The following PICALM variants were observed in gnomAD, a reference collection of about 807,000 sequenced individuals.
PICALM encodes phosphatidylinositol-binding clathrin assembly protein.
A neutral mutation model predicts 80.5 loss-of-function variants in PICALM; 40 were observed. The observed-to-expected ratio is 0.50, with a 90% confidence interval of 0.39 to 0.65. The LOEUF (loss-of-function observed/expected upper bound fraction) is 0.65, where lower values mean the gene tolerates loss of function less well. Ranked by LOEUF, PICALM falls within the 30% of genes least tolerant of loss-of-function variation. The pLI, the probability that PICALM is intolerant of heterozygous loss-of-function variation, is 0.00. For missense variants in PICALM, 676 were observed against 778.9 expected, an observed-to-expected ratio of 0.87 and a Z score of 1.57; for synonymous variants, 288 against 260.3, an observed-to-expected ratio of 1.11 and a Z score of -1.02.
intron 11 of PICALM, among the ~76,000 whole-genome samples, chr11:85,998,271 C>G (rs1340828925): frequency 6.6e-6 from 1 of 151,514 alleles, no homozygotes; most frequent in Non-Finnish European, 1.5e-5. Flanking sequence ...GCCACCACGC[C>G]CGGCTAATTT....
At chr11:85,998,745 T>TCC (rs1022584034) in intron 11 of PICALM, among the ~76,000 whole-genome samples, 67 of 152,184 alleles carry the variant, frequency 4.4e-4, no homozygotes, top group Middle Eastern at 3.4e-3. Flanking sequence ...GCCACTGCAC[T>TCC]CCAGCCTGGG....
At chr11:86,031,058 C>T (rs2095743400) in intron 2 of PICALM, among the ~76,000 whole-genome samples, 1 of 152,144 alleles carries the variant, frequency 6.6e-6, no homozygotes, top group Non-Finnish European at 1.5e-5. Context: ...TTTGAGGTAG[C>T]AGTGAGCTAT....
intron 1 of PICALM, among the ~76,000 whole-genome samples, chr11:86,054,537 G>T (rs904601896): frequency 6.6e-6 from 1 of 151,962 alleles, no homozygotes; most frequent in Non-Finnish European, 1.5e-5. Flanking sequence ...ACCATAAAGC[G>T]CTTTTTTGCC....
chr11:85,960,662 C>A, intron 19 of PICALM: 1 of 1,150,222 alleles, frequency 8.7e-7, no homozygotes, highest in Non-Finnish European at 1.2e-6. Context: ...TCTCCCAAAA[C>A]AAGTAGCAAT....
intron 13 of PICALM, among the ~76,000 whole-genome samples, chr11:85,989,236 T>C (rs1258258068): frequency 1.3e-5 from 2 of 152,200 alleles, no homozygotes; most frequent in East Asian, 1.9e-4. Flanking sequence ...TATCACACTT[T>C]GGATATATAT....
Position 86,026,990 on chromosome 11 carries a change from T to C in PICALM, c.274-623A>G, listed in dbSNP as rs117353118. Among the ~76,000 whole-genome samples, 136 of 152,326 alleles carry C rather than the reference T, an allele frequency of 8.9e-4. 3 individuals are homozygous for C. The East Asian group carries it at 0.024, about 27-fold the overall frequency. On this transcript the variant is annotated intron_variant, in intron 2 of 19. Coordinates refer to ENST00000393346, the MANE Select transcript of PICALM (RefSeq NM_007166.4). ...AGTATCTATAAACTATCCAAGTGTTTTCTATTTGAAATTTACACAAGTATC... is the reference window on the plus strand; with the variant it reads ...AGTATCTATAAACTATCCAAGTGTTCTCTATTTGAAATTTACACAAGTATC...
At chr11:86,014,783 G>C (rs2095453932) in intron 5 of PICALM, 87 bp downstream of exon 5, 3 of 659,548 alleles carry the variant, frequency 4.5e-6, no homozygotes, top group Non-Finnish European at 7.6e-6. Flanking sequence ...TGAAAAACTA[G>C]AGTCTGTGAA....
intron 1 of PICALM, among the ~76,000 whole-genome samples, chr11:86,037,563 GTTT>G (rs752079070): frequency 6.9e-6 from 1 of 144,566 alleles, no homozygotes; most frequent in Non-Finnish European, 1.5e-5. Flanking sequence ...CAGCTCCCTA[GTTT>G]TTTTTTTTTT....
intron 11 of PICALM, among the ~76,000 whole-genome samples, chr11:85,997,617 C>T (rs565491008): frequency 6.6e-6 from 1 of 152,244 alleles, no homozygotes; most frequent in East Asian, 1.9e-4. Context: ...ACTACAGGTG[C>T]GCAGCACCGC....
At chr11:86,037,150 T>C (rs1291334866) in intron 1 of PICALM, among the ~76,000 whole-genome samples, 2 of 149,626 alleles carry the variant, frequency 1.3e-5, no homozygotes, top group Non-Finnish European at 3.0e-5. Context: ...TTCACCATGT[T>C]GGCCAGGATG....
chr11:86,020,941 G>T (rs1398573987), intron 4 of PICALM, among the ~76,000 whole-genome samples: 1 of 152,116 alleles, frequency 6.6e-6, no homozygotes, highest in Non-Finnish European at 1.5e-5. Context: ...GAAAAGACAA[G>T]CCATGGGAGA....
chr11:85,976,810 G>C (rs895578706), intron 17 of PICALM, 128 bp from the exon 18 acceptor site: 1 of 615,200 alleles, frequency 1.6e-6, no homozygotes, highest in Non-Finnish European at 3.0e-6. Flanking sequence ...TGACACTTGT[G>C]ATCATTAAGA....
intron 17 of PICALM, among the ~76,000 whole-genome samples, chr11:85,979,862 A>C (rs953637516): frequency 6.6e-6 from 1 of 152,196 alleles, no homozygotes; most frequent in Admixed American, 6.5e-5. Context: ...CTTTTCCACA[A>C]GGAGTTTTCT....
chr11:85,988,626 G>A (rs2094657177), intron 13 of PICALM, among the ~76,000 whole-genome samples: 1 of 151,614 alleles, frequency 6.6e-6, no homozygotes, highest in Admixed American at 6.6e-5. Flanking sequence ...GAAGGGGAAG[G>A]AAAGAATCAG....
chr11:86,012,778 T>TA (rs1304326941), intron 5 of PICALM, among the ~76,000 whole-genome samples: 2 of 151,918 alleles, frequency 1.3e-5, no homozygotes, highest in African/African-American at 4.8e-5. Flanking sequence ...AAAAAACTGG[T>TA]AAAAAAGTTA....
At chr11:86,034,137 G>A (rs2095803529) in intron 1 of PICALM, among the ~76,000 whole-genome samples, 1 of 151,964 alleles carries the variant, frequency 6.6e-6, no homozygotes, top group Non-Finnish European at 1.5e-5. Context: ...AATAAAACAG[G>A]AAAAATTAAG....
chr11:86,044,826 C>T (rs1229130565), intron 1 of PICALM, among the ~76,000 whole-genome samples: 19 of 152,172 alleles, frequency 1.2e-4, no homozygotes, highest in Admixed American at 1.2e-3. Context: ...CTAGGCTGTG[C>T]ACTCCTTATG....
chr11:86,008,275 C>A (rs2095319303), intron 7 of PICALM, among the ~76,000 whole-genome samples: 1 of 152,148 alleles, frequency 6.6e-6, no homozygotes, highest in Admixed American at 6.5e-5. Flanking sequence ...TCTAATCAGT[C>A]TCCCTTCCTT....
intron 1 of PICALM, among the ~76,000 whole-genome samples, chr11:86,051,775 TAA>T (rs1212733830): frequency 6.6e-6 from 1 of 152,228 alleles, no homozygotes; most frequent in Non-Finnish European, 1.5e-5. Context: ...TCATTCCATA[TAA>T]GTTTTCTGTG....
Sources: allele counts gnomAD v4.1 joint callset (sites outside exome capture counted in the v4.1 genomes callset), GRCh38; gene constraint gnomAD v4.1.1; transcripts MANE v1.5; gene names NCBI Gene and HGNC (gene_info 2026-07-23, HGNC 2026-07-21).